The following VPS45 variants were observed in gnomAD, a reference collection of about 807,000 sequenced individuals.
VPS45 encodes vacuolar protein sorting-associated protein 45.
Under a neutral mutation model 75.9 loss-of-function variants are expected in VPS45, and 35 were observed. That is an observed-to-expected ratio of 0.46 (90% CI 0.35 to 0.61). VPS45 has a LOEUF of 0.61. VPS45 is among the 20% of genes least tolerant of loss of function. The pLI is 0.00. For synonymous variants in VPS45, 220 were observed against 238.2 expected (o/e 0.92, Z 0.70); for missense variants, 559 against 685.9 (o/e 0.81, Z 2.07).
intron 13 of VPS45, among the ~76,000 whole-genome samples, chr1:150,102,897 A>G (rs1657118116): frequency 6.6e-6 from 1 of 152,198 alleles, no homozygotes; most frequent in South Asian, 2.1e-4. Context: ...GGAGAGGAAC[A>G]GAAAAGATAA....
At chr1:150,132,682 T>C (rs587770973) in intron 14 of VPS45, among the ~76,000 whole-genome samples, 4 of 152,324 alleles carry the variant, frequency 2.6e-5, no homozygotes, top group African/African-American at 7.2e-5. Flanking sequence ...CCTTTGGTCT[T>C]GTTCGAAGCA....
At chr1:150,102,746 C>T (rs1331718373) in intron 13 of VPS45, among the ~76,000 whole-genome samples, 5 of 152,022 alleles carry the variant, frequency 3.3e-5, no homozygotes, top group Admixed American at 3.3e-4. Context: ...GAGGCTATCA[C>T]CCTTAGTAAA....
chr1:150,078,589 G>A (rs587750083), intron 7 of VPS45, among the ~76,000 whole-genome samples: 23 of 151,808 alleles, frequency 1.5e-4, no homozygotes, highest in South Asian at 8.3e-4. Flanking sequence ...GTGAAGCCCC[G>A]TCTCTACTAA....
chr1:150,067,639 G>C, upstream of VPS45: 1 of 514,298 alleles, frequency 1.9e-6, no homozygotes, highest in Middle Eastern at 5.1e-4. Context: ...GCGTGGCAGC[G>C]GCCCAGGCCG....
At chr1:150,071,241 C>T (rs782646428) in intron 2 of VPS45, among the ~76,000 whole-genome samples, 2 of 152,022 alleles carry the variant, frequency 1.3e-5, no homozygotes, top group Admixed American at 1.3e-4. Context: ...GCATTATAAT[C>T]TTATGTAATT....
chr1:150,074,669 T>C (rs1256641956), intron 3 of VPS45, among the ~76,000 whole-genome samples: 1 of 152,014 alleles, frequency 6.6e-6, no homozygotes, highest in Non-Finnish European at 1.5e-5. Flanking sequence ...ATTACAGGTG[T>C]GAGCCACCGC....
At chr1:150,110,208 TC>T (rs1393327338) in intron 13 of VPS45, 3 of 278,550 alleles carry the variant, frequency 1.1e-5, no homozygotes, top group Non-Finnish European at 2.0e-5. Context: ...AAAGAATATT[TC>T]TACATTTGGT....
chr1:150,096,463 A>G (rs587704902), intron 13 of VPS45, among the ~76,000 whole-genome samples: 11 of 152,348 alleles, frequency 7.2e-5, no homozygotes, highest in African/African-American at 2.6e-4. Context: ...AGAAGTTTAG[A>G]TTGTAAGCAT....
chr1:150,106,096 A>G (rs1490414114), intron 13 of VPS45, among the ~76,000 whole-genome samples: 1 of 152,208 alleles, frequency 6.6e-6, no homozygotes, highest in African/African-American at 2.4e-5. Context: ...AACCATATAC[A>G]AAAATTAACT....
chr1:150,144,598 C>CT, intron 14 of VPS45, 111 bp from the exon 15 acceptor site: 1 of 910,830 alleles, frequency 1.1e-6, no homozygotes, highest in Non-Finnish European at 1.6e-6. Context: ...CCAGTACCTC[C>CT]TGCCTACTAT....
rs587692913 is a variant in VPS45 at position 150,078,984 on chromosome 1, G to A, written c.687+1205G>A. Among the ~76,000 whole-genome samples, 10 of 150,488 alleles carry A rather than the reference G, an allele frequency of 6.6e-5. No homozygotes were observed. In the South Asian group the frequency reaches 2.1e-3, roughly 32 times the overall value. On this transcript the variant is annotated intron_variant, in intron 7 of 14. Coordinates refer to ENST00000644510, the MANE Select transcript of VPS45 (RefSeq NM_007259.5). ...AAATTAGCTGGACGTGGTGGCAGATGCCTGTAATCCCAGCTACTCAGGATG... is the reference window on the plus strand; with the variant it reads ...AAATTAGCTGGACGTGGTGGCAGATACCTGTAATCCCAGCTACTCAGGATG...
intron 14 of VPS45, among the ~76,000 whole-genome samples, chr1:150,115,501 T>C (rs139052044): frequency 1.4e-4 from 21 of 152,238 alleles, no homozygotes; most frequent in Admixed American, 2.0e-4. Flanking sequence ...CTAATTCTGC[T>C]GTTATATCTG....
At chr1:150,094,714 G>C (rs1479291063) in intron 13 of VPS45, among the ~76,000 whole-genome samples, 4 of 152,170 alleles carry the variant, frequency 2.6e-5, no homozygotes, top group African/African-American at 4.8e-5. Flanking sequence ...GCACCTATCT[G>C]AGAGGCTTTT....
intron 4 of VPS45, 47 bp downstream of exon 4, chr1:150,076,359 A>G: frequency 6.8e-7 from 1 of 1,464,922 alleles, no homozygotes; most frequent in South Asian, 1.3e-5. Flanking sequence ...GGCCCTTTTT[A>G]AATATTTGAG....
intron 14 of VPS45, among the ~76,000 whole-genome samples, chr1:150,124,149 T>C (rs1658379820): frequency 6.6e-6 from 1 of 152,140 alleles, no homozygotes; most frequent in African/African-American, 2.4e-5. Flanking sequence ...CTTGACCAAG[T>C]AATTCATGCT....
chr1:150,092,837 C>CTTTTTTTTTTT (rs11451750), intron 12 of VPS45, among the ~76,000 whole-genome samples: 19 of 94,432 alleles, frequency 2.0e-4, no homozygotes, highest in African/African-American at 6.3e-4. Flanking sequence ...GCTAGCCTTT[C>CTTTTTTTTTTT]TTTTTTTTTT....
Position 150,067,842 on chromosome 1 carries a change from T to C in VPS45, c.-16T>C. ...GGGGGCGGGAAGGGCTGTAGGGTACTTGTCAATTCGCCGCCATGAACGTGG... is the reference window on the plus strand; with the variant it reads ...GGGGGCGGGAAGGGCTGTAGGGTACCTGTCAATTCGCCGCCATGAACGTGG... On this transcript the variant is annotated 5_prime_UTR_variant, in exon 1 of 15. Transcript: ENST00000644510. The C allele has an allele frequency of 6.2e-7, 1 of 1,613,746 alleles. No homozygotes were observed. The highest frequency in any genetic ancestry group is 8.5e-7 in the Non-Finnish European group (1 of 1,179,686).
At chr1:150,074,458 A>G (rs1011641499) in intron 3 of VPS45, among the ~76,000 whole-genome samples, 1 of 152,312 alleles carries the variant, frequency 6.6e-6, no homozygotes, top group East Asian at 1.9e-4. Flanking sequence ...AGTTTGTTTA[A>G]CTATACACCA....
intron 13 of VPS45, among the ~76,000 whole-genome samples, chr1:150,096,987 T>G (rs1553803117): frequency 2.4e-5 from 1 of 42,088 alleles, no homozygotes; most frequent in African/African-American, 1.0e-4. Flanking sequence ...CAGTACAATA[T>G]TACGTATTCT....
Sources: gnomAD v4.1 joint callset for allele counts (sites outside exome capture counted in the v4.1 genomes callset) on GRCh38, gnomAD v4.1.1 for gene constraint, MANE v1.5 for transcripts, NCBI Gene and HGNC (gene_info 2026-07-23, HGNC 2026-07-21) for gene names.